The following KIAA1210 variants were observed in gnomAD, a reference collection of about 807,000 sequenced individuals.
KIAA1210 encodes KIAA1210.
In KIAA1210, 48 loss-of-function variants were observed where a neutral mutation model predicts 78.9. The observed-to-expected ratio is 0.61, with a 90% CI of 0.48 to 0.77. KIAA1210 has a LOEUF of 0.77. Among genes scored for constraint, KIAA1210 ranks in the 30% least tolerant of loss-of-function variants. The pLI is 0.00. For synonymous variants in KIAA1210, 406 were observed against 404.5 expected, an observed-to-expected ratio of 1.00 and a Z score of -0.04; for missense variants, 1,108 against 1,100.0, an observed-to-expected ratio of 1.01 and a Z score of -0.10.
At chrX:119,147,484 C>T in exon 2 of KIAA1210, 1 of 1,211,471 alleles carries the variant, frequency 8.3e-7, no homozygotes, top group Non-Finnish European at 1.1e-6. Flanking sequence ...TTCCTGAATC[C>T]TGTTCTTGGA....
At chrX:119,094,589 C>T (rs1927496550) in intron 7 of KIAA1210, among the ~76,000 whole-genome samples, 1 of 112,078 alleles carries the variant, frequency 8.9e-6, no homozygotes, top group Non-Finnish European at 1.9e-5. Context: ...TTACTTGCTG[C>T]GTGACCTTGG....
intron 2 of KIAA1210, among the ~76,000 whole-genome samples, chrX:119,120,470 G>A (rs1928420564): frequency 8.9e-6 from 1 of 111,755 alleles, no homozygotes; most frequent in South Asian, 3.8e-4. Flanking sequence ...TATAAACACT[G>A]ACTAACTGGA....
rs747303110 is a variant in KIAA1210, at chrX:119,087,502, C to T, written c.3200G>A (p.Gly1067Glu). 3 of 1,208,829 alleles carry T rather than the reference C, an allele frequency of 2.5e-6. No individual in the cohort carries two copies. In the African/African-American group the frequency reaches 5.3e-5, roughly 21 times the overall value. Reference protein sequence around the residue: ...EVKHQVFSDSGSANPKGGISS... With the variant: ...EVKHQVFSDSESANPKGGISS... ...AATGCCTCCCTTAGGATTAGCACTCCCTGAATCTGAGAAAACTTGGTGCTT... is the reference window on the plus strand; with the variant it reads ...AATGCCTCCCTTAGGATTAGCACTCTCTGAATCTGAGAAAACTTGGTGCTT... Residue 1067 changes from glycine to glutamate, a missense_variant, in exon 9 of 12, where the codon GGG (glycine) becomes GAG (glutamate). Around this residue, in one of 5 missense-constraint regions of KIAA1210, gnomAD observed 179 missense variants for 174.1 expected, o/e 1.03. Coordinates refer to ENST00000691062, the MANE Select transcript of KIAA1210 (RefSeq NM_001394962.1).
At chrX:119,138,833 T>C in intron 2 of KIAA1210, among the ~76,000 whole-genome samples, 1 of 110,530 alleles carries the variant, frequency 9.0e-6, no homozygotes, top group South Asian at 3.8e-4. Flanking sequence ...CACACTGGAG[T>C]AGCATCTGTC....
chrX:119,081,543 C>T, intron 11 of KIAA1210, 39 bp from the exon 12 acceptor site: 1 of 1,155,731 alleles, frequency 8.7e-7, no homozygotes, highest in East Asian at 3.0e-5. Flanking sequence ...AATAAGGAAC[C>T]CCAGCGATAT....
At chrX:119,098,036 A>G (rs1927611816) in intron 6 of KIAA1210, among the ~76,000 whole-genome samples, 1 of 111,962 alleles carries the variant, frequency 8.9e-6, no homozygotes, top group South Asian at 3.8e-4. Context: ...AACATCTTTC[A>G]TACCTCAGAG....
At chrX:119,095,340 G>GT (rs1424970999) in intron 7 of KIAA1210, among the ~76,000 whole-genome samples, 2 of 112,410 alleles carry the variant, frequency 1.8e-5, no homozygotes, top group African/African-American at 6.5e-5. Flanking sequence ...TTTGATCAAA[G>GT]TGAGTTTTAT....
At chrX:119,147,903 G>A (rs1305955300) in intron 1 of KIAA1210, among the ~76,000 whole-genome samples, 1 of 112,335 alleles carries the variant, frequency 8.9e-6, no homozygotes, top group Non-Finnish European at 1.9e-5. Context: ...CCCAGGCCAA[G>A]GTGAGAGGAT....
At chrX:119,122,967 T>C (rs1382057670) in intron 2 of KIAA1210, among the ~76,000 whole-genome samples, 2 of 112,615 alleles carry the variant, frequency 1.8e-5, no homozygotes, top group African/African-American at 6.5e-5. Flanking sequence ...AACTGTTCAA[T>C]TCAATTCTGT....
intron 2 of KIAA1210, among the ~76,000 whole-genome samples, chrX:119,123,107 C>T (rs1569321223): frequency 8.9e-6 from 1 of 112,318 alleles, no homozygotes; most frequent in African/African-American, 3.2e-5. Context: ...ACCTATCACT[C>T]ATAGATTGTG....
At chrX:119,093,584 C>A in intron 8 of KIAA1210, 83 bp downstream of exon 8, 1 of 671,833 alleles carries the variant, frequency 1.5e-6, no homozygotes, top group East Asian at 3.4e-5. Flanking sequence ...TTGGGTAGTT[C>A]TTGGGTATAG....
chrX:119,129,113 A>G (rs1413214246), upstream of KIAA1210, among the ~76,000 whole-genome samples: 5 of 112,214 alleles, frequency 4.5e-5, no homozygotes, highest in Non-Finnish European at 9.4e-5. Context: ...TTTGATCATC[A>G]TTGAATCTCC....
In KIAA1210 at chrX:119,087,705, C is replaced by G. The variant is rs1192506014; in HGVS notation, c.2997G>C (p.Glu999Asp). 1.7e-5 allele frequency: 21 copies of G among 1,210,042 alleles called. No homozygotes were observed. In the East Asian group the frequency reaches 6.2e-4, roughly 36 times the overall value. ...TAGAAGTGCCTTCAACAGCCATTTTCTCTAGTCGTGAGGTCATTTCCTGAA... is the reference window on the plus strand; with the variant it reads ...TAGAAGTGCCTTCAACAGCCATTTTGTCTAGTCGTGAGGTCATTTCCTGAA... Reference protein sequence around the residue: ...SKVQEMTSRLEKMAVEGTSNK... With the variant: ...SKVQEMTSRLDKMAVEGTSNK... Residue 999 changes from glutamate to aspartate, a missense_variant, in exon 9 of 12, where the codon GAG becomes GAC. Glu to Asp is a conservative substitution (Grantham distance 45, BLOSUM62 2). Coordinates refer to ENST00000691062, the MANE Select transcript of KIAA1210 (RefSeq NM_001394962.1).
rs3747383 is a variant in KIAA1210, at chrX:119,080,118, A to G, written c.*1211T>C. On this transcript the variant is annotated 3_prime_UTR_variant, in exon 12 of 12. Transcript: ENST00000691062. ...TTCAATAGGGTCTTCAGTGCTTAAC[A>G]GGATATATGTGATAGGCAGTGATTT... 26,427 of 110,831 alleles carry G rather than the reference A, an allele frequency of 0.24. 4,286 individuals are homozygous for G. The highest frequency in any genetic ancestry group is 0.56 in the African/African-American group (16,944 of 30,219). 9.1% of individuals were successfully genotyped at this position (110,831 alleles called of 1,213,427 possible). A position where few individuals can be genotyped will look rare whatever the true frequency, so the allele number is the denominator to read the frequency against.
rs780302176 is a variant in KIAA1210 at position 119,123,638 on chromosome X, G to A, written c.5C>T (p.Ala2Val). The A allele has an allele frequency of 2.5e-6, 3 of 1,196,605 alleles. No individual in the cohort carries two copies. Among genetic ancestry groups the A allele is most frequent in the Admixed American group, 2.2e-5 (1 of 45,502 alleles). ...GTCAGAAATTTCACTTAGTGATTCA[G>A]CCATTGTAGGATGACTAAAATAAAA... M[A>V]ESLSEISDSL... is the part of the protein sequence containing the mutation. Residue 2 changes from alanine to valine, a missense_variant, in exon 2 of 12, where the codon GCT becomes GTT. By Grantham distance (64) the Ala-to-Val change is moderately conservative. Coordinates refer to ENST00000691062, the MANE Select transcript of KIAA1210 (RefSeq NM_001394962.1).
chrX:119,086,340 A>G (rs6646330), intron 9 of KIAA1210, among the ~76,000 whole-genome samples: 25,886 of 111,128 alleles, frequency 0.23, 4,171 homozygotes, highest in African/African-American at 0.56. Flanking sequence ...GGATCCCATT[A>G]GGAAAGGGAA....
At chrX:119,139,580 C>T (rs1928999855) in intron 2 of KIAA1210, among the ~76,000 whole-genome samples, 1 of 111,814 alleles carries the variant, frequency 8.9e-6, no homozygotes, top group Non-Finnish European at 1.9e-5. Context: ...CACAAGAAGG[C>T]TGTCCTCCCC....
rs960596183 is a variant in KIAA1210, at chrX:119,099,692, G to A, written c.649-3001C>T. The stretch of plus-strand genomic sequence containing the variant: ...GGAACTCTACACAGTATTTCTCAAT[G>A]TATGGTCTGGAATCCCCCAGCACCA... On this transcript the variant is annotated intron_variant, in intron 6 of 11. Coordinates refer to ENST00000691062, the MANE Select transcript of KIAA1210 (RefSeq NM_001394962.1). 4.5e-5 allele frequency among the ~76,000 whole-genome samples: 5 copies of A among 111,970 alleles called. No individual in the cohort carries two copies. The East Asian group carries it at 1.4e-3, about 31-fold the overall frequency.
chrX:119,115,479 C>A (rs1026296285), intron 3 of KIAA1210, among the ~76,000 whole-genome samples: 2 of 111,915 alleles, frequency 1.8e-5, no homozygotes, highest in South Asian at 7.6e-4. Context: ...GCCCTACTCC[C>A]AGCAAGACTA....
Sources: gnomAD v4.1 joint callset for allele counts (sites outside exome capture counted in the v4.1 genomes callset) on GRCh38, gnomAD v4.1.1 for gene constraint, gnomAD v4.1.1 regional missense constraint, MANE v1.5 for transcripts, NCBI Gene and HGNC (gene_info 2026-07-23, HGNC 2026-07-21) for gene names.